Variants in SMOC1 observed in about 807,000 individuals in gnomAD.
The protein encoded by SMOC1 is SPARC-related modular calcium-binding protein 1.
SMOC1 carries 22 observed loss-of-function variants against 56.3 expected under a neutral mutation model. That is an observed-to-expected ratio of 0.39 (90% CI 0.28 to 0.56). The LOEUF (loss-of-function observed/expected upper bound fraction) is 0.56, where lower values mean the gene tolerates loss of function less well. Among genes scored for constraint, SMOC1 ranks in the 20% least tolerant of loss-of-function variants. SMOC1 has a pLI of 0.61. For synonymous variants in SMOC1, 193 were observed against 215.0 expected, an observed-to-expected ratio of 0.90 and a Z score of 0.89; for missense variants, 509 against 565.4, an observed-to-expected ratio of 0.90 and a Z score of 1.01.
chr14:69,942,082 T>TTGGATG, intron 1 of SMOC1, among the ~76,000 whole-genome samples: 1 of 152,340 alleles, frequency 6.6e-6, no homozygotes, highest in Middle Eastern at 3.4e-3. Flanking sequence ...TGTGACCATC[T>TTGGATG]CACATCTTGG....
intron 1 of SMOC1, among the ~76,000 whole-genome samples, chr14:69,925,608 T>C (rs2139379212): frequency 6.6e-6 from 1 of 152,284 alleles, no homozygotes; most frequent in East Asian, 1.9e-4. Flanking sequence ...GGGCCGGGGC[T>C]TGTGTGTCTT....
intron 4 of SMOC1, among the ~76,000 whole-genome samples, chr14:69,977,005 G>T (rs61977390): frequency 0.033 from 5,061 of 152,294 alleles, 116 homozygotes; most frequent in Non-Finnish European, 0.05. Flanking sequence ...TTGGGGTTGG[G>T]GTAGGGAGGT....
intron 5 of SMOC1, among the ~76,000 whole-genome samples, chr14:69,992,005 A>G (rs143789658): frequency 1.1e-3 from 171 of 152,290 alleles, no homozygotes; most frequent in African/African-American, 3.8e-3. Context: ...TGGGGACACC[A>G]TAATTTGATG....
chr14:69,967,097 T>C (rs1245206310), intron 3 of SMOC1, among the ~76,000 whole-genome samples: 1 of 152,166 alleles, frequency 6.6e-6, no homozygotes, highest in Admixed American at 6.5e-5. Flanking sequence ...AACACACCAC[T>C]CCTAACTAAT....
intron 5 of SMOC1, among the ~76,000 whole-genome samples, chr14:69,989,107 T>C (rs973231918): frequency 1.5e-4 from 23 of 152,222 alleles, no homozygotes; most frequent in African/African-American, 4.8e-4. Flanking sequence ...TTAAAGAGAC[T>C]GTCAAACTCC....
At chr14:69,982,148 T>C (rs227440) in intron 5 of SMOC1, among the ~76,000 whole-genome samples, 7,160 of 152,200 alleles carry the variant, frequency 0.047, 375 homozygotes, top group African/African-American at 0.12. Context: ...GCGGTTTGCA[T>C]TTTTCCCATA....
chr14:69,907,887 G>A (rs917517791), intron 1 of SMOC1, among the ~76,000 whole-genome samples: 1 of 152,196 alleles, frequency 6.6e-6, no homozygotes, highest in Non-Finnish European at 1.5e-5. Flanking sequence ...CAGAAGGGGT[G>A]AGGGGTCTCA....
intron 5 of SMOC1, among the ~76,000 whole-genome samples, chr14:69,980,940 A>T (rs1566698009): frequency 6.6e-6 from 1 of 152,080 alleles, no homozygotes; most frequent in Admixed American, 6.5e-5. Flanking sequence ...AATATCCTCC[A>T]CTGACCGGGC....
At chr14:69,889,806 C>G (rs1291831797) in intron 1 of SMOC1, among the ~76,000 whole-genome samples, 1 of 152,196 alleles carries the variant, frequency 6.6e-6, no homozygotes, top group Non-Finnish European at 1.5e-5. Context: ...TAGAATCTGC[C>G]TGCATTCCTC....
chr14:69,889,629 T>C (rs1482122771), intron 1 of SMOC1, among the ~76,000 whole-genome samples: 1 of 152,210 alleles, frequency 6.6e-6, no homozygotes, highest in Non-Finnish European at 1.5e-5. Flanking sequence ...TGTATTAGCT[T>C]TCTATTGCTG....
intron 1 of SMOC1, among the ~76,000 whole-genome samples, chr14:69,949,656 A>G (rs1435000590): frequency 3.9e-5 from 6 of 152,146 alleles, no homozygotes; most frequent in Non-Finnish European, 5.9e-5. Flanking sequence ...GAGGGAATGG[A>G]GAAGGAACAG....
chr14:69,985,334 A>T (rs1423150845), intron 5 of SMOC1, among the ~76,000 whole-genome samples: 4 of 152,216 alleles, frequency 2.6e-5, no homozygotes, highest in Non-Finnish European at 4.4e-5. Context: ...AATACTTTGG[A>T]AGTTTCTGAA....
chr14:69,886,263 T>C (rs1295238636), intron 1 of SMOC1: 5 of 620,568 alleles, frequency 8.1e-6, no homozygotes. Context: ...TTCCTCTTCT[T>C]TGCACCAAGT....
At chr14:69,954,019 G>T (rs1883100469) in intron 3 of SMOC1, among the ~76,000 whole-genome samples, 1 of 151,998 alleles carries the variant, frequency 6.6e-6, no homozygotes, top group South Asian at 2.1e-4. Flanking sequence ...GTGAGTGTGT[G>T]TGTGTGTATA....
intron 1 of SMOC1, among the ~76,000 whole-genome samples, chr14:69,892,391 T>C (rs538210747): frequency 2.0e-5 from 3 of 152,364 alleles, no homozygotes; most frequent in African/African-American, 7.2e-5. Context: ...ATATGCCAAC[T>C]GGAAGATTCT....
At chr14:69,930,479 AG>A (rs1269890411) in intron 1 of SMOC1, among the ~76,000 whole-genome samples, 2 of 152,220 alleles carry the variant, frequency 1.3e-5, no homozygotes, top group Non-Finnish European at 2.9e-5. Flanking sequence ...GCTTTGGGGC[AG>A]GGCTGTTTTT....
intron 3 of SMOC1, among the ~76,000 whole-genome samples, chr14:69,970,217 A>C (rs2139487076): frequency 6.6e-6 from 1 of 152,276 alleles, no homozygotes; most frequent in African/African-American, 2.4e-5. Flanking sequence ...ACATGACCCC[A>C]AAGAGTTCTA....
intron 7 of SMOC1, among the ~76,000 whole-genome samples, chr14:69,999,468 T>C (rs188286960): frequency 2.2e-3 from 328 of 152,304 alleles, no homozygotes; most frequent in Non-Finnish European, 3.2e-3. Context: ...ATCTCGCACA[T>C]GACGTGATTG....
chr14:69,885,804 T>C (rs1184447260), intron 1 of SMOC1: 10 of 1,594,602 alleles, frequency 6.3e-6, no homozygotes, highest in Non-Finnish European at 7.7e-6. Context: ...GCCAACAGTC[T>C]CTGCTTCTTC....
Sources: allele counts gnomAD v4.1 joint callset (sites outside exome capture counted in the v4.1 genomes callset), GRCh38; gene constraint gnomAD v4.1.1; transcripts MANE v1.5; gene names NCBI Gene and HGNC (gene_info 2026-07-23, HGNC 2026-07-21).